IL12RB2: variants seen among roughly 807,000 people sequenced by gnomAD.
IL12RB2 encodes interleukin 12 receptor subunit beta 2, also known as interleukin-12 receptor subunit beta-2.
Under a neutral mutation model 89.4 loss-of-function variants are expected in IL12RB2, and 82 were observed. The ratio of observed to expected loss-of-function variants is 0.92; its 90% CI spans 0.77 to 1.10. The LOEUF is 1.10. IL12RB2 is among the 50% of genes least tolerant of loss of function. The pLI is 0.00. For synonymous variants in IL12RB2, 368 were observed against 370.1 expected, an observed-to-expected ratio of 0.99 and a Z score of 0.07; for missense variants, 963 against 1,031.9, an observed-to-expected ratio of 0.93 and a Z score of 0.92.
chr1:67,337,053 G>A (rs892168137), intron 8 of IL12RB2, among the ~76,000 whole-genome samples: 9 of 152,164 alleles, frequency 5.9e-5, no homozygotes, highest in African/African-American at 1.2e-4. Flanking sequence ...GGCTTACCCC[G>A]CAGACCTGGC....
At chr1:67,374,595 C>T (rs1202095179) in intron 13 of IL12RB2, among the ~76,000 whole-genome samples, 2 of 151,838 alleles carry the variant, frequency 1.3e-5, no homozygotes, top group Non-Finnish European at 2.9e-5. Context: ...CCTGCCTCAG[C>T]CTCCTGAGTA....
At chr1:67,359,137 T>C (rs1661709791) in intron 10 of IL12RB2, among the ~76,000 whole-genome samples, 2 of 151,728 alleles carry the variant, frequency 1.3e-5, no homozygotes, top group African/African-American at 4.8e-5. Flanking sequence ...CAGGACTCTG[T>C]CTGAAAAAAT....
intron 10 of IL12RB2, among the ~76,000 whole-genome samples, chr1:67,367,172 C>T (rs1437859911): frequency 2.0e-5 from 3 of 151,924 alleles, no homozygotes; most frequent in Non-Finnish European, 4.4e-5. Flanking sequence ...GCAGGAGGGT[C>T]ACTTGAGCCC....
intron 2 of IL12RB2, among the ~76,000 whole-genome samples, chr1:67,316,998 A>G (rs1655862941): frequency 6.6e-6 from 1 of 152,176 alleles, no homozygotes; most frequent in East Asian, 1.9e-4. Flanking sequence ...CTTGGCACTT[A>G]GCAGCTGCTT....
At chr1:67,358,261 A>G (rs1222326109) in intron 10 of IL12RB2, among the ~76,000 whole-genome samples, 1 of 152,246 alleles carries the variant, frequency 6.6e-6, no homozygotes, top group Non-Finnish European at 1.5e-5. Flanking sequence ...ATGTTTCTCC[A>G]GCTAAACTAT....
intron 5 of IL12RB2, among the ~76,000 whole-genome samples, chr1:67,327,628 T>G: frequency 6.6e-6 from 1 of 152,164 alleles, no homozygotes; most frequent in South Asian, 2.1e-4. Flanking sequence ...GAAGAGAGAG[T>G]CTGGGAGATT....
At chr1:67,324,915 T>C (rs17129789) in intron 4 of IL12RB2, among the ~76,000 whole-genome samples, 26,143 of 152,246 alleles carry the variant, frequency 0.17, 2,324 homozygotes, top group Middle Eastern at 0.24. Context: ...CCAGTCTATA[T>C]GTCTTAGAGG....
At chr1:67,385,115 T>C (rs1488236556) in intron 14 of IL12RB2, among the ~76,000 whole-genome samples, 1 of 152,208 alleles carries the variant, frequency 6.6e-6, no homozygotes, top group Non-Finnish European at 1.5e-5. Context: ...ACCAATTTAC[T>C]TACTATATTA....
intron 16 of IL12RB2, among the ~76,000 whole-genome samples, chr1:67,395,270 G>GAA (rs577998192): frequency 7.9e-6 from 1 of 126,968 alleles, no homozygotes; most frequent in African/African-American, 2.9e-5. Context: ...TTCGTCTCAA[G>GAA]AAAAAAAAAA....
At chr1:67,386,390 G>A (rs1253492079) in intron 14 of IL12RB2, among the ~76,000 whole-genome samples, 189 bp from the exon 15 acceptor site, 1 of 152,064 alleles carries the variant, frequency 6.6e-6, no homozygotes, top group Non-Finnish European at 1.5e-5. Flanking sequence ...AGCTCCTCTT[G>A]GAACCATAGA....
chr1:67,372,946 A>G (rs764969381), intron 13 of IL12RB2, among the ~76,000 whole-genome samples, 163 bp downstream of exon 13: 1 of 152,202 alleles, frequency 6.6e-6, no homozygotes, highest in Non-Finnish European at 1.5e-5. Flanking sequence ...GAAGAATTAG[A>G]AAAGACATCT....
At chr1:67,307,755 C>CGGG (rs1654450286), upstream of IL12RB2, 1 of 152,236 alleles carries the variant, frequency 6.6e-6, no homozygotes, top group African/African-American at 2.4e-5. Flanking sequence ...CGACCCCCGC[C>CGGG]CCGGCCCGAT....
intron 11 of IL12RB2, among the ~76,000 whole-genome samples, chr1:67,369,259 T>A (rs1663029901): frequency 1.3e-5 from 2 of 152,160 alleles, no homozygotes; most frequent in African/African-American, 4.8e-5. Flanking sequence ...CTGGAAACCA[T>A]TTAGCCTAGA....
intron 14 of IL12RB2, among the ~76,000 whole-genome samples, chr1:67,385,405 T>C (rs1273652905): frequency 6.6e-6 from 1 of 152,180 alleles, no homozygotes; most frequent in African/African-American, 2.4e-5. Flanking sequence ...ATGATTCAAT[T>C]ACCTCCCAGT....
At chr1:67,336,560 G>A (rs1339356333) in intron 8 of IL12RB2, among the ~76,000 whole-genome samples, 1 of 152,076 alleles carries the variant, frequency 6.6e-6, no homozygotes, top group Non-Finnish European at 1.5e-5. Context: ...CACTGCAAAG[G>A]TAAATACTAC....
chr1:67,387,320 C>T (rs928738305), intron 15 of IL12RB2, among the ~76,000 whole-genome samples: 16 of 151,986 alleles, frequency 1.1e-4, no homozygotes, highest in East Asian at 5.8e-4. Context: ...ACAACCTAAA[C>T]GCCCAATGAT....
chr1:67,367,576 G>GA (rs1005489954), intron 10 of IL12RB2, among the ~76,000 whole-genome samples: 1 of 151,938 alleles, frequency 6.6e-6, no homozygotes, highest in Admixed American at 6.6e-5. Context: ...TAAAGAAAGA[G>GA]AAAGGAAAAG....
intron 10 of IL12RB2, among the ~76,000 whole-genome samples, chr1:67,354,600 C>G (rs1661184391): frequency 6.6e-6 from 1 of 152,168 alleles, no homozygotes; most frequent in South Asian, 2.1e-4. Flanking sequence ...TCAAGGGCCT[C>G]TTGCCTCTCC....
rs375024537 is a variant in IL12RB2, at chr1:67,316,574, G to T, written c.-37+2574G>T. The stretch of plus-strand genomic sequence containing the variant: ...AGTAAAATCTAGGCTCCCTTTTTTC[G>T]CAAACAAGTCCATAGTAAATCTGGC... On this transcript the variant is annotated intron_variant, in intron 2 of 16. Transcript: ENST00000674203. Among the ~76,000 whole-genome samples, 9 of 151,446 alleles carry T rather than the reference G, an allele frequency of 5.9e-5. 1 individual carries two copies. In the East Asian group the frequency reaches 1.7e-3, roughly 29 times the overall value.
Sources: gnomAD v4.1 joint callset for allele counts (sites outside exome capture counted in the v4.1 genomes callset) on GRCh38, gnomAD v4.1.1 for gene constraint, MANE v1.5 for transcripts, NCBI Gene and HGNC (gene_info 2026-07-23, HGNC 2026-07-21) for gene names.